Variants in SDCCAG8 observed in about 807,000 individuals in gnomAD.
SDCCAG8 encodes serologically defined colon cancer antigen 8.
Under a neutral mutation model 101.8 loss-of-function variants are expected in SDCCAG8, and 74 were observed. The ratio of observed to expected loss-of-function variants is 0.73; its 90% CI spans 0.60 to 0.88. The LOEUF is 0.88. Ranked by LOEUF, SDCCAG8 falls within the 40% of genes least tolerant of loss-of-function variation. SDCCAG8 has a pLI of 0.00. For synonymous variants in SDCCAG8, 281 were observed against 292.9 expected (o/e 0.96, Z 0.41); for missense variants, 787 against 822.6 (o/e 0.96, Z 0.53).
chr1:243,307,789 TC>T, intron 7 of SDCCAG8, 199 bp from the exon 8 acceptor site: 1 of 1,443,778 alleles, frequency 6.9e-7, no homozygotes, highest in East Asian at 2.5e-5. Flanking sequence ...TATTCCAGTC[TC>T]ATCATATTCA....
At chr1:243,351,324 C>A (rs2076071192) in intron 12 of SDCCAG8, among the ~76,000 whole-genome samples, 1 of 152,210 alleles carries the variant, frequency 6.6e-6, no homozygotes, top group Non-Finnish European at 1.5e-5. Flanking sequence ...GCTTGGCTTA[C>A]CCAGACCAGT....
At chr1:243,486,988 G>A (rs1665047174) in intron 16 of SDCCAG8, among the ~76,000 whole-genome samples, 1 of 152,236 alleles carries the variant, frequency 6.6e-6, no homozygotes, top group Non-Finnish European at 1.5e-5. Flanking sequence ...CATCGGAGGG[G>A]AAAAGCCACC....
In SDCCAG8 at chr1:243,416,891, G is replaced by T. The variant is rs1032367648; in HGVS notation, c.1744+1062G>T. On this transcript the variant is annotated intron_variant, in intron 14 of 17. Transcript: ENST00000366541. The surrounding 1 kb of genome is among the most constrained non-coding windows in gnomAD (Gnocchi z 4.3). ...ATTTATTTTGATTTGTATGCTATAT[G>T]CTTTTTGCCAATCATTGGCTAAAAT... 6.6e-6 allele frequency among the ~76,000 whole-genome samples: 1 copy of T among 152,072 alleles called. No individual in the cohort carries two copies. Among genetic ancestry groups the T allele is most frequent in the Non-Finnish European group, 1.5e-5 (1 of 68,004 alleles).
chr1:243,336,694 G>C (rs1189170140), intron 10 of SDCCAG8, among the ~76,000 whole-genome samples: 1 of 152,200 alleles, frequency 6.6e-6, no homozygotes, highest in East Asian at 1.9e-4. Flanking sequence ...CAACATCGGG[G>C]ATTACAGTGT....
At chr1:243,497,124 G>C (rs950917234) in intron 17 of SDCCAG8, among the ~76,000 whole-genome samples, 8 of 152,186 alleles carry the variant, frequency 5.3e-5, no homozygotes, top group Non-Finnish European at 1.0e-4. Context: ...GTTGATGACA[G>C]GACTTCCTGG....
chr1:243,494,556 T>C (rs546827607), intron 17 of SDCCAG8, among the ~76,000 whole-genome samples: 3 of 152,346 alleles, frequency 2.0e-5, no homozygotes, highest in Admixed American at 2.0e-4. Flanking sequence ...TTAAACTTTT[T>C]GTTTTTTGAC....
At chr1:243,267,585 A>G in intron 1 of SDCCAG8, 1 of 516,504 alleles carries the variant, frequency 1.9e-6, no homozygotes, top group Non-Finnish European at 3.5e-6. Context: ...CTGGGCGACA[A>G]GAGCCAAACT....
intron 8 of SDCCAG8, among the ~76,000 whole-genome samples, chr1:243,315,070 A>G (rs1388584027): frequency 2.6e-5 from 4 of 152,224 alleles, no homozygotes; most frequent in Non-Finnish European, 4.4e-5. Flanking sequence ...TATCAGGAAC[A>G]GATAAGAATC....
chr1:243,279,308 G>T (rs372644639), intron 4 of SDCCAG8, among the ~76,000 whole-genome samples: 1 of 152,076 alleles, frequency 6.6e-6, no homozygotes, highest in Non-Finnish European at 1.5e-5. Context: ...GATGCCTCTC[G>T]ACTTAAAATG....
rs748257473 is a variant in SDCCAG8, at chr1:243,293,142, G to A, written c.598G>A (p.Glu200Lys). The A allele has an allele frequency of 6.8e-6, 11 of 1,614,084 alleles. No individual in the cohort carries two copies. The highest frequency in any genetic ancestry group is 1.3e-5 in the African/African-American group (1 of 75,026). ...AACAGGTGAAGATTCTGGGGTGGGC[G>A]AAACCTCCAAAAGACCATTTTCCCA... ...ITTGEDSGVGETSKRPFSHDN... is the reference protein window; with the variant it reads ...ITTGEDSGVGKTSKRPFSHDN... Residue 200 changes from glutamate (E) to lysine (K), a missense_variant, in exon 6 of 18, where the codon GAA (glutamate) becomes AAA (lysine). Transcript: ENST00000366541.
chr1:243,311,464 C>G (rs375930953), intron 8 of SDCCAG8, among the ~76,000 whole-genome samples: 1 of 151,576 alleles, frequency 6.6e-6, no homozygotes, highest in Non-Finnish European at 1.5e-5. Context: ...GAGAGGTGGA[C>G]GAAGGCAATG....
intron 12 of SDCCAG8, 101 bp downstream of exon 12, chr1:243,344,432 T>C (rs2075578958): frequency 4.1e-6 from 4 of 964,964 alleles, no homozygotes; most frequent in African/African-American, 3.3e-5. Flanking sequence ...TTGTATTGTT[T>C]CTAACTAATG....
At chr1:243,471,263 A>C (rs559860378) in intron 16 of SDCCAG8, among the ~76,000 whole-genome samples, 1 of 152,280 alleles carries the variant, frequency 6.6e-6, no homozygotes, top group East Asian at 1.9e-4. Context: ...GTGTAATGGA[A>C]CAAATGGTCC....
rs531152514 is a variant in SDCCAG8, at chr1:243,476,999, TACAC to T, written c.1986-11983_1986-11980del. ...TGCAGCTTACTGTCAACTGGTTCTG[TACAC>T]ACACACACACACACACACACACACA... On this transcript the variant is annotated intron_variant, in intron 16 of 17. Coordinates refer to ENST00000366541, the MANE Select transcript of SDCCAG8 (RefSeq NM_006642.5). Among the ~76,000 whole-genome samples the T allele has an allele frequency of 2.7e-3, 276 of 102,302 alleles. 3 individuals carry two copies. The East Asian group carries it at 0.062, about 23-fold the overall frequency. 67.1% of individuals were successfully genotyped at this position (102,302 alleles called of 152,430 possible).
In SDCCAG8 at chr1:243,438,025, G is replaced by A. The variant is rs145615065; in HGVS notation, c.1985+11467G>A. 4.0e-3 allele frequency among the ~76,000 whole-genome samples: 611 copies of A among 152,194 alleles called. 6 individuals carry two copies. Among genetic ancestry groups the A allele is most frequent in the African/African-American group, 0.014 (581 of 41,516 alleles). ...GGCCTTTTTCCTGAGAAGGTTTCTT[G>A]CCCCTCCCCCGGGAGCTTGAGGCGT... is the stretch of plus-strand genomic sequence containing the variant. On this transcript the variant is annotated intron_variant, in intron 16 of 17. Transcript: ENST00000366541.
Position 243,257,131 on chromosome 1 carries a change from T to G in SDCCAG8, c.67+891T>G, listed in dbSNP as rs910485266. Among the ~76,000 whole-genome samples the G allele has an allele frequency of 2.6e-5, 4 of 152,324 alleles. No individual in the cohort carries two copies. In the East Asian group the frequency reaches 7.7e-4, roughly 29 times the overall value. Reference sequence around the variant, plus strand: ...AAATGAAATAATCCCCATAAAGCAGTGATTTTAAGACTTCTTAAAATGTTT... The same window carrying G: ...AAATGAAATAATCCCCATAAAGCAGGGATTTTAAGACTTCTTAAAATGTTT... On this transcript the variant is annotated intron_variant, in intron 1 of 17. Coordinates refer to ENST00000366541, the MANE Select transcript of SDCCAG8 (RefSeq NM_006642.5).
At position 243,308,085 on chromosome 1, in the gene SDCCAG8, T is replaced by C. The variant is rs892236602; in HGVS notation, c.837T>C (p.Val279=). 1 of 1,614,100 alleles carries C rather than the reference T, an allele frequency of 6.2e-7. No homozygotes were observed. The highest frequency in any genetic ancestry group is 8.5e-7 in the Non-Finnish European group (1 of 1,180,038). The part of the protein sequence containing the change: ...FLLAANTCNR[V]GGLCLKCAQH... ...TGGCTGCTAATACTTGTAACCGTGT[T>C]GGTGGTCTTTGTTTGAAATGTGCTC... Residue 279 remains valine, a synonymous_variant, in exon 8 of 18, where the codon GTT becomes GTC. Transcript: ENST00000366541.
chr1:243,305,035 G>A (rs900705367), intron 7 of SDCCAG8: 12 of 410,710 alleles, frequency 2.9e-5, no homozygotes, highest in Admixed American at 4.0e-5. Context: ...GGCCGGGCGC[G>A]GTGGCTCACG....
At chr1:243,347,037 A>G (rs551923614) in intron 12 of SDCCAG8, among the ~76,000 whole-genome samples, 2 of 151,950 alleles carry the variant, frequency 1.3e-5, no homozygotes, top group East Asian at 3.9e-4. Flanking sequence ...ATCCTATTCC[A>G]TCACTCATCA....
Sources: gnomAD v4.1 joint callset for allele counts (sites outside exome capture counted in the v4.1 genomes callset) on GRCh38, gnomAD v4.1.1 for gene constraint, Gnocchi (gnomAD v3.1) non-coding constraint, MANE v1.5 for transcripts, NCBI Gene and HGNC (gene_info 2026-07-23, HGNC 2026-07-21) for gene names.